The following MAST4 variants were observed in gnomAD, a reference collection of about 807,000 sequenced individuals.
The protein encoded by MAST4 is microtubule associated serine/threonine kinase family member 4.
In MAST4, 89 loss-of-function variants were observed where a neutral mutation model predicts 162.7. The ratio of observed to expected loss-of-function variants is 0.55; its 90% CI spans 0.46 to 0.65. The LOEUF is 0.65. Ranked by LOEUF, MAST4 falls within the 30% of genes least tolerant of loss-of-function variation. MAST4 has a pLI of 0.00. For missense variants in MAST4, 3,153 were observed against 3,374.0 expected (o/e 0.93, Z 1.62); for synonymous variants, 1,479 against 1,361.1 (o/e 1.09, Z -1.91).
intron 2 of MAST4, among the ~76,000 whole-genome samples, chr5:66,761,370 T>A (rs1753842923): frequency 6.6e-6 from 1 of 152,222 alleles, no homozygotes; most frequent in Non-Finnish European, 1.5e-5. Context: ...ACTCACCACT[T>A]AAAATTGTAT....
intron 1 of MAST4, among the ~76,000 whole-genome samples, chr5:66,713,022 C>G (rs913860378): frequency 5.3e-5 from 8 of 152,206 alleles, no homozygotes; most frequent in African/African-American, 1.9e-4. Context: ...TATTTTCCAT[C>G]TGGATCTCTC....
intron 4 of MAST4, among the ~76,000 whole-genome samples, chr5:67,044,184 C>T (rs1757095540): frequency 1.3e-5 from 2 of 152,190 alleles, no homozygotes; most frequent in Admixed American, 6.5e-5. Flanking sequence ...TACTCTCTTC[C>T]CATCTTCATC....
intron 21 of MAST4, among the ~76,000 whole-genome samples, chr5:67,143,219 A>C (rs1373739728): frequency 6.6e-6 from 1 of 151,930 alleles, no homozygotes; most frequent in East Asian, 1.9e-4. Flanking sequence ...CCAGCAGTTC[A>C]AGACCAGCCC....
intron 4 of MAST4, among the ~76,000 whole-genome samples, chr5:67,006,191 G>A (rs1006348868): frequency 1.3e-5 from 2 of 152,082 alleles, no homozygotes; most frequent in African/African-American, 4.8e-5. Context: ...AATCACATGT[G>A]CACCTGTGTG....
intron 19 of MAST4, among the ~76,000 whole-genome samples, chr5:67,137,528 C>T (rs574242894): frequency 6.6e-6 from 1 of 152,302 alleles, no homozygotes; most frequent in East Asian, 1.9e-4. Flanking sequence ...ACAGAAAATA[C>T]TGAAGAAATC....
intron 4 of MAST4, among the ~76,000 whole-genome samples, chr5:67,042,256 G>A (rs10065036): frequency 0.23 from 35,566 of 151,968 alleles, 4,467 homozygotes; most frequent in African/African-American, 0.29. Flanking sequence ...AAGTCACTTC[G>A]TTGTCTTCCA....
At position 66,769,709 on chromosome 5, in the gene MAST4, C is replaced by T. The variant is rs755334340; in HGVS notation, c.517+9847C>T. Among the ~76,000 whole-genome samples the T allele has an allele frequency of 7.9e-5, 12 of 152,158 alleles. No individual in the cohort carries two copies. In the South Asian group the frequency reaches 1.5e-3, roughly 18 times the overall value. ...ATACAATATTATCCTGTTACAGGAC[C>T]GCCCTCCTATGTGTAGTCCATTGTT... On this transcript the variant is annotated intron_variant, in intron 2 of 28. Coordinates refer to ENST00000403625, the MANE Select transcript of MAST4 (RefSeq NM_001164664.2).
At chr5:66,648,728 A>G (rs1381471273) in intron 1 of MAST4, among the ~76,000 whole-genome samples, 1 of 152,084 alleles carries the variant, frequency 6.6e-6, no homozygotes, top group Non-Finnish European at 1.5e-5. Context: ...GTGTTTCAAT[A>G]TTTGAATTGT....
chr5:66,995,688 A>G (rs1170302679), intron 4 of MAST4, among the ~76,000 whole-genome samples: 2 of 152,022 alleles, frequency 1.3e-5, no homozygotes, highest in African/African-American at 4.8e-5. Flanking sequence ...GGCGTGAGCC[A>G]CCATGCCCAG....
chr5:66,922,899 A>T (rs764389309), intron 4 of MAST4, among the ~76,000 whole-genome samples: 2 of 152,076 alleles, frequency 1.3e-5, no homozygotes, highest in African/African-American at 4.8e-5. Flanking sequence ...ATGTTCCCCA[A>T]CCTCCAATTT....
chr5:67,044,574 G>T (rs1380262161), intron 4 of MAST4, among the ~76,000 whole-genome samples: 1 of 152,106 alleles, frequency 6.6e-6, no homozygotes, highest in African/African-American at 2.4e-5. Flanking sequence ...GAATGCAGTG[G>T]AGTGATCATG....
rs2151032843 is a variant in MAST4 at position 67,141,739 on chromosome 5, C to T, written c.2495-376C>T. Among the ~76,000 whole-genome samples the T allele has an allele frequency of 1.3e-5, 2 of 152,264 alleles. 1 individual carries two copies. Among genetic ancestry groups the T allele is most frequent in the South Asian group, 4.1e-4 (2 of 4,828 alleles). On this transcript the variant is annotated intron_variant, in intron 19 of 28. Coordinates refer to ENST00000403625, the MANE Select transcript of MAST4 (RefSeq NM_001164664.2). ...GAAATGTTGCTGTGAACACATTTTG[C>T]ACCTTGTTAGAATTTCTCTGGGTTT...
chr5:66,702,413 G>A (rs1014260844), intron 1 of MAST4, among the ~76,000 whole-genome samples: 3 of 152,190 alleles, frequency 2.0e-5, no homozygotes, highest in Non-Finnish European at 2.9e-5. Flanking sequence ...AAATAGTTAC[G>A]TTATGTCAGT....
chr5:66,951,169 C>T (rs1023101509), intron 4 of MAST4, among the ~76,000 whole-genome samples: 2 of 152,158 alleles, frequency 1.3e-5, no homozygotes, highest in African/African-American at 4.8e-5. Context: ...GAAAGGAAAG[C>T]ATTAAATCGA....
intron 4 of MAST4, among the ~76,000 whole-genome samples, chr5:66,945,878 C>A (rs1165570511): frequency 6.6e-6 from 1 of 152,074 alleles, no homozygotes; most frequent in African/African-American, 2.4e-5. Flanking sequence ...ATTTAACGAG[C>A]ATTTTTATCC....
chr5:66,660,920 A>T (rs1746866018), intron 1 of MAST4, among the ~76,000 whole-genome samples: 1 of 152,202 alleles, frequency 6.6e-6, no homozygotes, highest in African/African-American at 2.4e-5. Flanking sequence ...TTGAAAGCTT[A>T]ATTTCTCTTA....
chr5:67,163,083 A>G lies in MAST4; in HGVS notation c.3968-64A>G, dbSNP rs1773401304. ...GGCCTTACCTAATACAGTCTGGGCTACAACTGTGAAAAAAAGGGGAAAATG... is the reference window on the plus strand; with the variant it reads ...GGCCTTACCTAATACAGTCTGGGCTGCAACTGTGAAAAAAAGGGGAAAATG... On this transcript the variant is annotated intron_variant, in intron 28 of 28. Coordinates refer to ENST00000403625, the MANE Select transcript of MAST4 (RefSeq NM_001164664.2). This position sits in a 1 kb window ranked among gnomAD's most constrained non-coding sequence, Gnocchi z 7.0. The G allele has an allele frequency of 2.0e-6, 3 of 1,519,688 alleles. No homozygotes were observed. Among genetic ancestry groups the G allele is most frequent in the Non-Finnish European group, 2.7e-6 (3 of 1,116,866 alleles). 94.1% of individuals were successfully genotyped at this position (1,519,688 alleles called of 1,614,324 possible). A position where few individuals can be genotyped will look rare whatever the true frequency, so the allele number is the denominator to read the frequency against.
rs1393072552 is a variant in MAST4, at chr5:66,898,359, T to C, written c.643-1592T>C. Reference sequence around the variant, plus strand: ...TCTAGGAAGTTCTCTCTTTTTGTTTTCTTTAACCTGAATACAACACTGATT... The same window carrying C: ...TCTAGGAAGTTCTCTCTTTTTGTTTCCTTTAACCTGAATACAACACTGATT... On this transcript the variant is annotated intron_variant, in intron 3 of 28. Transcript: ENST00000403625. Among the ~76,000 whole-genome samples, 3 of 152,206 alleles carry C rather than the reference T, an allele frequency of 2.0e-5. No individual in the cohort carries two copies. The East Asian group carries it at 5.8e-4, about 29-fold the overall frequency.
chr5:66,597,160 GACA>G (rs910360802), intron 1 of MAST4, 142 bp downstream of exon 1: 1 of 1,127,726 alleles, frequency 8.9e-7, no homozygotes, highest in African/African-American at 1.6e-5. Flanking sequence ...CCGAGCACGG[GACA>G]ACGATAGTTA....
Sources: allele counts gnomAD v4.1 joint callset (sites outside exome capture counted in the v4.1 genomes callset), GRCh38; gene constraint gnomAD v4.1.1; non-coding constraint Gnocchi (gnomAD v3.1); transcripts MANE v1.5; gene names NCBI Gene and HGNC (gene_info 2026-07-23, HGNC 2026-07-21).